Variants in SOX5 observed in about 807,000 individuals in gnomAD.
SOX5 encodes SRY-box transcription factor 5.
A neutral mutation model predicts 92.0 loss-of-function variants in SOX5; 9 were observed. The observed-to-expected ratio is 0.10, with a 90% CI of 0.06 to 0.17. The LOEUF is 0.17. SOX5 is among the 10% of genes least tolerant of loss of function. The pLI is 1.00. For missense variants in SOX5, 642 were observed against 944.5 expected, an observed-to-expected ratio of 0.68 and a Z score of 4.20; for synonymous variants, 344 against 336.3, an observed-to-expected ratio of 1.02 and a Z score of -0.25.
At chr12:23,578,143 A>AAAAAAAAAAAAAAAAC (rs1321080744) in intron 9 of SOX5, among the ~76,000 whole-genome samples, 3 of 126,114 alleles carry the variant, frequency 2.4e-5, no homozygotes, top group Admixed American at 8.4e-5. Context: ...AAAAAAAAAA[A>AAAAAAAAAAAAAAAAC]AAAAAAACTA....
intron 1 of SOX5, among the ~76,000 whole-genome samples, chr12:23,932,880 A>G (rs1941749649): frequency 6.6e-6 from 1 of 151,676 alleles, no homozygotes; most frequent in Non-Finnish European, 1.5e-5. Context: ...AGACAAAACC[A>G]TTAGTTTTGA....
chr12:23,582,330 G>A, intron 9 of SOX5: 8 of 976,224 alleles, frequency 8.2e-6, no homozygotes, highest in Non-Finnish European at 9.7e-6. Context: ...GATCTATAAA[G>A]AGATGGAAGT....
chr12:24,513,375 A>T (rs955250662), intron 1 of SOX5, among the ~76,000 whole-genome samples: 1 of 152,240 alleles, frequency 6.6e-6, no homozygotes, highest in Non-Finnish European at 1.5e-5. Flanking sequence ...TCCTTCTAAC[A>T]AATGAAACCT....
At chr12:23,791,898 T>A (rs1288633876) in intron 3 of SOX5, among the ~76,000 whole-genome samples, 1 of 151,892 alleles carries the variant, frequency 6.6e-6, no homozygotes, top group Admixed American at 6.6e-5. Context: ...GAAATAGGTA[T>A]CACTTTTTAA....
intron 4 of SOX5, among the ~76,000 whole-genome samples, chr12:24,010,024 T>G (rs912178379): frequency 3.3e-5 from 5 of 152,226 alleles, no homozygotes; most frequent in Admixed American, 6.5e-5. Context: ...TTATCTTCAT[T>G]CAATCACCCA....
chr12:23,901,439 A>G (rs1219236674), intron 1 of SOX5, among the ~76,000 whole-genome samples: 3 of 152,208 alleles, frequency 2.0e-5, no homozygotes, highest in Non-Finnish European at 4.4e-5. Context: ...GTAATAATAT[A>G]TCATTGATTT....
At chr12:24,111,781 C>T (rs1415564834) in intron 4 of SOX5, among the ~76,000 whole-genome samples, 1 of 152,128 alleles carries the variant, frequency 6.6e-6, no homozygotes, top group East Asian at 1.9e-4. Flanking sequence ...TCATGAGGCC[C>T]TCAAAAACTT....
At chr12:24,245,802 C>G (rs1273909032) in intron 3 of SOX5, among the ~76,000 whole-genome samples, 1 of 151,890 alleles carries the variant, frequency 6.6e-6, no homozygotes. Flanking sequence ...TATAGAGCAG[C>G]TAAGGAAAAG....
chr12:24,467,659 A>AT (rs1408750426), intron 1 of SOX5, among the ~76,000 whole-genome samples: 4 of 152,116 alleles, frequency 2.6e-5, no homozygotes, highest in South Asian at 2.1e-4. Flanking sequence ...GGGTGTTTAG[A>AT]TTTTTTCCCG....
intron 7 of SOX5, among the ~76,000 whole-genome samples, chr12:23,658,808 G>A (rs777430860): frequency 3.3e-5 from 5 of 152,258 alleles, no homozygotes; most frequent in African/African-American, 4.8e-5. Flanking sequence ...CAGGAGAATC[G>A]CTTGAACTCA....
At position 24,106,006 on chromosome 12, in the gene SOX5, G is replaced by A. The variant is rs978773222; in HGVS notation, c.-2+107337C>T. Among the ~76,000 whole-genome samples, 11 of 152,042 alleles carry A rather than the reference G, an allele frequency of 7.2e-5. No homozygotes were observed. The East Asian group carries it at 2.1e-3, about 29-fold the overall frequency. On this transcript the variant is annotated intron_variant, in intron 4 of 4. Coordinates refer to the SOX5 transcript ENST00000446891. Reference sequence around the variant, plus strand: ...TACAGTAGCAAACCTTTGCCCTTGGGATAGTCAAAGATGTCTCAGACATGA... The same window carrying A: ...TACAGTAGCAAACCTTTGCCCTTGGAATAGTCAAAGATGTCTCAGACATGA...
chr12:23,601,078 A>C (rs374332170), intron 9 of SOX5, among the ~76,000 whole-genome samples: 7 of 152,118 alleles, frequency 4.6e-5, no homozygotes, highest in Non-Finnish European at 7.4e-5. Context: ...CTTGGAGGTC[A>C]CAGCCACTCT....
intron 3 of SOX5, among the ~76,000 whole-genome samples, chr12:24,245,393 A>T (rs1457920706): frequency 1.3e-5 from 2 of 152,176 alleles, no homozygotes; most frequent in South Asian, 2.1e-4. Context: ...AATAGGAAAC[A>T]ATTTTTAAAA....
intron 2 of SOX5, among the ~76,000 whole-genome samples, chr12:23,889,976 A>T (rs907433126): frequency 6.6e-6 from 1 of 152,222 alleles, no homozygotes; most frequent in African/African-American, 2.4e-5. Flanking sequence ...TATTTATTTC[A>T]TAATAAAATT....
intron 1 of SOX5, among the ~76,000 whole-genome samples, chr12:24,459,911 A>T (rs1943437725): frequency 6.6e-6 from 1 of 152,230 alleles, no homozygotes; most frequent in Admixed American, 6.5e-5. Flanking sequence ...ATCATACCTT[A>T]CAATACTGTG....
chr12:24,430,594 A>C (rs950622815), intron 1 of SOX5, among the ~76,000 whole-genome samples: 1 of 152,124 alleles, frequency 6.6e-6, no homozygotes, highest in African/African-American at 2.4e-5. Flanking sequence ...CAACAAGTGC[A>C]CTTCCTTACA....
intron 4 of SOX5, among the ~76,000 whole-genome samples, chr12:24,144,781 G>A (rs187406987): frequency 0.011 from 1,602 of 151,938 alleles, 11 homozygotes; most frequent in Non-Finnish European, 0.018. Flanking sequence ...GTGAGCTATG[G>A]TCCTGCCACT....
chr12:24,209,722 A>C (rs1215463709), intron 4 of SOX5, among the ~76,000 whole-genome samples: 2 of 152,226 alleles, frequency 1.3e-5, no homozygotes, highest in African/African-American at 4.8e-5. Flanking sequence ...TGACACTTTT[A>C]GAAATAATCC....
At chr12:24,106,993 A>T (rs149566604) in intron 4 of SOX5, among the ~76,000 whole-genome samples, 62 of 152,158 alleles carry the variant, frequency 4.1e-4, no homozygotes, top group African/African-American at 1.4e-3. Flanking sequence ...TAAGGTAAAG[A>T]AGAATCCTAG....
Sources: gnomAD v4.1 joint callset for allele counts (sites outside exome capture counted in the v4.1 genomes callset) on GRCh38, gnomAD v4.1.1 for gene constraint, MANE v1.5 for transcripts, NCBI Gene and HGNC (gene_info 2026-07-23, HGNC 2026-07-21) for gene names.